RB1: variants seen among roughly 807,000 people sequenced by gnomAD.
RB1 encodes retinoblastoma-associated protein.
Under a neutral mutation model 135.4 loss-of-function variants are expected in RB1, and 18 were observed. That is an observed-to-expected ratio of 0.13 (90% confidence interval 0.09 to 0.20). The LOEUF (loss-of-function observed/expected upper bound fraction) is 0.20, where lower values mean the gene tolerates loss of function less well. RB1 is among the 10% of genes least tolerant of loss of function. The pLI is 1.00. For synonymous variants in RB1, 365 were observed against 373.2 expected (o/e 0.98, Z 0.25); for missense variants, 868 against 1,110.0 (o/e 0.78, Z 3.10).
chr13:48,332,067 A>G (rs186631379), intron 2 of RB1, among the ~76,000 whole-genome samples: 1 of 152,364 alleles, frequency 6.6e-6, no homozygotes, highest in African/African-American at 2.4e-5. Context: ...AAGGTAGGAA[A>G]TCCTGCCATT....
At position 48,459,937 on chromosome 13, in the gene RB1, CTTTCTTTCTTTCTTTT is replaced by C. The variant is rs1949390289; in HGVS notation, c.2106+106_2106+121del. 6.0e-6 allele frequency: 3 copies of C among 496,298 alleles called. 1 individual carries two copies. The African/African-American group carries it at 1.1e-4, about 18-fold the overall frequency. 30.7% of individuals were successfully genotyped at this position (496,298 alleles called of 1,614,324 possible). A position where few individuals can be genotyped will look rare whatever the true frequency, so the allele number is the denominator to read the frequency against. ...TCTTTCTTTCTTTCTTTCTTTCTTTCTTTCTTTCTTTCTTTTTCTTTCTTTCTTTCTCTCTTTCTTT... is the reference window on the plus strand; with the variant it reads ...TCTTTCTTTCTTTCTTTCTTTCTTTCTCTTTCTTTCTTTCTCTCTTTCTTT... On this transcript the variant is annotated intron_variant, in intron 20 of 26. Transcript: ENST00000267163.
chr13:48,430,056 C>G (rs1442192430), intron 17 of RB1, among the ~76,000 whole-genome samples: 1 of 152,170 alleles, frequency 6.6e-6, no homozygotes, highest in African/African-American at 2.4e-5. Flanking sequence ...GTTATATCAC[C>G]TAGCAGTTTC....
chr13:48,438,805 A>G (rs1566227410), intron 17 of RB1, among the ~76,000 whole-genome samples: 2 of 152,178 alleles, frequency 1.3e-5, no homozygotes, highest in African/African-American at 4.8e-5. Flanking sequence ...AATAAATGTT[A>G]TCTGTTAAGC....
chr13:48,397,699 C>T (rs980585876), intron 17 of RB1, among the ~76,000 whole-genome samples: 3 of 151,836 alleles, frequency 2.0e-5, no homozygotes, highest in Non-Finnish European at 4.4e-5. Context: ...AAATTTAAAT[C>T]GAGGGTCATT....
chr13:48,311,630 T>G (rs758586415), intron 2 of RB1, among the ~76,000 whole-genome samples: 1 of 152,258 alleles, frequency 6.6e-6, no homozygotes, highest in African/African-American at 2.4e-5. Flanking sequence ...GTTTTACTAA[T>G]TATTGAGGGA....
At chr13:48,477,517 GC>G in intron 26 of RB1, 113 bp downstream of exon 26, 3 of 842,264 alleles carry the variant, frequency 3.6e-6, no homozygotes, top group Non-Finnish European at 5.9e-6. Flanking sequence ...GTTTGTTTAT[GC>G]ATTTAAAATA....
At chr13:48,465,928 T>C (rs1467536501) in intron 23 of RB1, among the ~76,000 whole-genome samples, 2 of 147,342 alleles carry the variant, frequency 1.4e-5, no homozygotes, top group Non-Finnish European at 3.0e-5. Flanking sequence ...ATCTCGCTGA[T>C]TGCTAGCACA....
intron 2 of RB1, among the ~76,000 whole-genome samples, chr13:48,339,396 C>T (rs1415294556): frequency 1.3e-5 from 2 of 152,222 alleles, no homozygotes; most frequent in Non-Finnish European, 2.9e-5. Flanking sequence ...CCTAGCCTCG[C>T]TACTGCCTTG....
At chr13:48,305,502 A>G (rs758953104) in intron 1 of RB1, among the ~76,000 whole-genome samples, 22 of 152,250 alleles carry the variant, frequency 1.4e-4, no homozygotes, top group Admixed American at 3.3e-4. Context: ...ACTCTAAAGA[A>G]TTCCATGTTA....
chr13:48,429,668 T>C lies in RB1; in HGVS notation c.1696-23325T>C, dbSNP rs543573328. ...ACTTTTTGTGTTTTTAAAATTAAAATGTTATATGGAATTATATATATTATT... is the reference window on the plus strand; with the variant it reads ...ACTTTTTGTGTTTTTAAAATTAAAACGTTATATGGAATTATATATATTATT... On this transcript the variant is annotated intron_variant, in intron 17 of 26. Transcript: ENST00000267163. 21 of 152,206 alleles carry C rather than the reference T, an allele frequency of 1.4e-4. No homozygotes were observed. In the South Asian group the frequency reaches 4.1e-3, roughly 30 times the overall value. The allele number at this position is 152,206 out of a possible 1,614,324, so 9.4% of individuals were successfully genotyped here. A position where few individuals can be genotyped will look rare whatever the true frequency, so the allele number is the denominator to read the frequency against.
intron 18 of RB1, 67 bp downstream of exon 18, chr13:48,453,178 A>T: frequency 7.1e-7 from 1 of 1,409,206 alleles, no homozygotes; most frequent in Non-Finnish European, 1.0e-6. Context: ...AGTGCAATGT[A>T]ACATTCTATA....
chr13:48,315,015 T>A (rs1473045943), intron 2 of RB1, among the ~76,000 whole-genome samples: 1 of 152,206 alleles, frequency 6.6e-6, no homozygotes, highest in East Asian at 1.9e-4. Flanking sequence ...TCGGGCTCTT[T>A]TTCAGTTCCA....
At chr13:48,477,239 G>A in intron 25 of RB1, 116 bp from the exon 26 acceptor site, 1 of 719,736 alleles carries the variant, frequency 1.4e-6, no homozygotes, top group East Asian at 2.7e-5. Flanking sequence ...AAAATTAAAA[G>A]CTACTCACTA....
rs893248083 is a variant in RB1 at position 48,369,770 on chromosome 13, G to A, written c.1127+1166G>A. On this transcript the variant is annotated intron_variant, in intron 11 of 26. Transcript: ENST00000267163. ...CTACTCTTCATTCAGCACAAATATT[G>A]CTTTTGAAAAGATATTTCTCTCTGA... Among the ~76,000 whole-genome samples the A allele has an allele frequency of 3.9e-5, 6 of 152,020 alleles. No individual in the cohort carries two copies. The South Asian group carries it at 1.2e-3, about 32-fold the overall frequency.
In RB1 at chr13:48,465,273, G is replaced by T. The variant is rs1178103435; in HGVS notation, c.2394G>T (p.Arg798=). The T allele has an allele frequency of 3.1e-6, 5 of 1,612,734 alleles. No homozygotes were observed. The Admixed American group carries it at 6.7e-5, about 22-fold the overall frequency. The change falls in exon 23 of 27, where the codon CGG becomes CGT. Residue 798 remains arginine (R), a synonymous_variant. Coordinates refer to ENST00000267163, the MANE Select transcript of RB1 (RefSeq NM_000321.3). ...ACAAGTTTCCTAGTTCACCCTTACG[G>T]ATTCCTGGAGGGAACATCTATATTT... ...SPYKFPSSPL[R]IPGGNIYISP... is the part of the protein sequence containing the mutation.
intron 24 of RB1, 82 bp from the exon 25 acceptor site, chr13:48,476,619 C>A (rs1949505180): frequency 7.0e-7 from 1 of 1,424,342 alleles, no homozygotes; most frequent in Non-Finnish European, 9.8e-7. Flanking sequence ...ATTTTTGACA[C>A]ACCTCAAACT....
chr13:48,342,828 A>C, intron 3 of RB1, 114 bp downstream of exon 3: 1 of 741,384 alleles, frequency 1.3e-6, no homozygotes, highest in Non-Finnish European at 2.3e-6. Flanking sequence ...AGTAAAACAA[A>C]AAGAACTTGG....
intron 2 of RB1, among the ~76,000 whole-genome samples, chr13:48,313,939 C>T (rs1005983435): frequency 9.9e-5 from 15 of 151,840 alleles, no homozygotes; most frequent in South Asian, 8.3e-4. Flanking sequence ...TTAGTAGAGA[C>T]GGGGTTTCAC....
chr13:48,383,889 T>C (rs1948554422), intron 17 of RB1, among the ~76,000 whole-genome samples: 1 of 152,124 alleles, frequency 6.6e-6, no homozygotes, highest in Non-Finnish European at 1.5e-5. Flanking sequence ...AAAGTGACTA[T>C]TGTTATTTCT....
Sources: allele counts gnomAD v4.1 joint callset (sites outside exome capture counted in the v4.1 genomes callset), GRCh38; gene constraint gnomAD v4.1.1; transcripts MANE v1.5; gene names NCBI Gene and HGNC (gene_info 2026-07-23, HGNC 2026-07-21).